TG: variants seen among roughly 807,000 people sequenced by gnomAD.
TG encodes thyroid hormones.
Under a neutral mutation model 324.7 loss-of-function variants are expected in TG, and 270 were observed. That is an observed-to-expected ratio of 0.83 (90% CI 0.75 to 0.92). TG has a LOEUF of 0.92. TG is among the 40% of genes least tolerant of loss of function. TG has a pLI of 0.00. For synonymous variants in TG, 1,401 were observed against 1,327.0 expected (o/e 1.06, Z -1.21); for missense variants, 3,591 against 3,456.4 (o/e 1.04, Z -0.98).
At chr8:133,095,334 G>A (rs1848242963) in intron 42 of TG, 126 bp downstream of exon 42, 3 of 1,333,214 alleles carry the variant, frequency 2.3e-6, no homozygotes, top group African/African-American at 1.4e-5. Flanking sequence ...ACCAACTGGA[G>A]CTGGAACTCA....
chr8:132,933,928 A>G (rs1200182378), intron 24 of TG, among the ~76,000 whole-genome samples: 2 of 152,152 alleles, frequency 1.3e-5, no homozygotes, highest in African/African-American at 2.4e-5. Context: ...GTCAGTCAGG[A>G]GAGAACCACC....
At chr8:132,917,162 G>T (rs1308912608) in intron 20 of TG, among the ~76,000 whole-genome samples, 1 of 151,530 alleles carries the variant, frequency 6.6e-6, no homozygotes, top group African/African-American at 2.4e-5. Flanking sequence ...ACACACTCAG[G>T]GAGGCAAAAA....
At chr8:132,995,393 G>A (rs185130881) in intron 35 of TG, 104 of 985,060 alleles carry the variant, frequency 1.1e-4, no homozygotes, top group Admixed American at 7.4e-4. Flanking sequence ...CAACGGTGCC[G>A]CCTTAGGAGT....
chr8:132,933,517 C>A, intron 23 of TG, 44 bp from the exon 24 acceptor site: 1 of 1,568,358 alleles, frequency 6.4e-7, no homozygotes, highest in Non-Finnish European at 8.8e-7. Flanking sequence ...CCCTCAGCAT[C>A]CCCCGGGAAA....
chr8:133,069,451 C>G (rs556272457), intron 41 of TG, among the ~76,000 whole-genome samples: 42 of 152,290 alleles, frequency 2.8e-4, no homozygotes, highest in African/African-American at 5.3e-4. Context: ...CTTGGTCTCT[C>G]TAAAGAGATC....
intron 16 of TG, 39 bp from the exon 17 acceptor site, chr8:132,906,649 G>A: frequency 4.3e-6 from 7 of 1,610,684 alleles, no homozygotes; most frequent in South Asian, 1.1e-5. Flanking sequence ...TCCCGAGGCT[G>A]GGCAGGTGCC....
At chr8:133,108,996 A>G (rs1850054639) in intron 43 of TG, among the ~76,000 whole-genome samples, 1 of 152,214 alleles carries the variant, frequency 6.6e-6, no homozygotes, top group African/African-American at 2.4e-5. Flanking sequence ...AATTCATGCA[A>G]TAGGCATTTT....
intron 23 of TG, among the ~76,000 whole-genome samples, chr8:132,931,371 G>A (rs186990837): frequency 6.6e-6 from 1 of 152,306 alleles, no homozygotes; most frequent in African/African-American, 2.4e-5. Flanking sequence ...ACATAATTCA[G>A]CCCATAATGA....
intron 43 of TG, among the ~76,000 whole-genome samples, chr8:133,105,897 A>G (rs763333901): frequency 1.3e-4 from 20 of 152,124 alleles, no homozygotes; most frequent in Non-Finnish European, 2.6e-4. Flanking sequence ...CTGCAAGGTT[A>G]TCAGTGACCT....
chr8:132,874,852 G>A (rs1839816169), intron 5 of TG, among the ~76,000 whole-genome samples: 1 of 152,216 alleles, frequency 6.6e-6, no homozygotes, highest in African/African-American at 2.4e-5. Flanking sequence ...GTGGCATCAA[G>A]ACACTGGCTT....
intron 41 of TG, among the ~76,000 whole-genome samples, chr8:133,090,700 C>A (rs1444060095): frequency 2.0e-5 from 3 of 152,190 alleles, no homozygotes; most frequent in African/African-American, 7.2e-5. Flanking sequence ...CTTTAATCTG[C>A]ACATCAGCTC....
chr8:132,975,067 T>C (rs1031758945), intron 34 of TG, among the ~76,000 whole-genome samples: 1 of 152,242 alleles, frequency 6.6e-6, no homozygotes, highest in Non-Finnish European at 1.5e-5. Flanking sequence ...AAAGGAATAA[T>C]GTTCCATATA....
chr8:132,885,960 A>G (rs1200531830), intron 8 of TG, among the ~76,000 whole-genome samples: 1 of 152,140 alleles, frequency 6.6e-6, no homozygotes, highest in Non-Finnish European at 1.5e-5. Context: ...GTTTATTTAC[A>G]TGACCTTCTT....
chr8:133,131,722 T>G, intron 45 of TG, 90 bp from the exon 46 acceptor site: 1 of 1,571,814 alleles, frequency 6.4e-7, no homozygotes, highest in Non-Finnish European at 8.7e-7. Flanking sequence ...GTCTTGGTTT[T>G]GGAAGAAATA....
intron 41 of TG, among the ~76,000 whole-genome samples, chr8:133,052,646 A>G (rs146022083): frequency 1.3e-5 from 2 of 152,356 alleles, no homozygotes; most frequent in African/African-American, 4.8e-5. Context: ...GTTTGAAGCC[A>G]GAAGTCCCAA....
intron 41 of TG, among the ~76,000 whole-genome samples, chr8:133,086,290 T>C (rs1218711266): frequency 2.0e-5 from 3 of 152,218 alleles, no homozygotes; most frequent in Non-Finnish European, 4.4e-5. Flanking sequence ...TGGTGATGAT[T>C]GCACAACTCT....
At chr8:133,038,767 A>C (rs752983261) in intron 41 of TG, 1 of 1,504,278 alleles carries the variant, frequency 6.6e-7, no homozygotes, top group South Asian at 1.1e-5. Flanking sequence ...GCAGTAGAGA[A>C]AGGGAAAAAA....
At chr8:133,024,471 C>T (rs1393199237) in intron 40 of TG, among the ~76,000 whole-genome samples, 1 of 151,456 alleles carries the variant, frequency 6.6e-6, no homozygotes, top group Non-Finnish European at 1.5e-5. Flanking sequence ...ATACATGTGC[C>T]ATAGTGGTTT....
chr8:133,010,585 G>C (rs566172291), intron 35 of TG, among the ~76,000 whole-genome samples: 1 of 152,172 alleles, frequency 6.6e-6, no homozygotes, highest in Non-Finnish European at 1.5e-5. Context: ...CAGCTCTCCC[G>C]AATGATCATG....
Sources: gnomAD v4.1 joint callset for allele counts (sites outside exome capture counted in the v4.1 genomes callset) on GRCh38, gnomAD v4.1.1 for gene constraint, MANE v1.5 for transcripts, NCBI Gene and HGNC (gene_info 2026-07-23, HGNC 2026-07-21) for gene names.